The following EIF2S3 variants were observed in gnomAD, a reference collection of about 807,000 sequenced individuals.
EIF2S3 encodes eukaryotic translation initiation factor 2 subunit gamma, also known as eukaryotic translation initiation factor 2 subunit 3.
In EIF2S3, 2 loss-of-function variants were observed where a neutral mutation model predicts 31.7. The ratio of observed to expected loss-of-function variants is 0.06; its 90% CI spans 0.03 to 0.20. The LOEUF (loss-of-function observed/expected upper bound fraction) is 0.20. Among genes scored for constraint, EIF2S3 ranks in the 10% least tolerant of loss-of-function variants. The probability of loss-of-function intolerance (pLI) is 1.00; values close to 1 mark genes in which losing one functional copy is unlikely to be tolerated. For missense variants in EIF2S3, 96 were observed against 359.3 expected, an observed-to-expected ratio of 0.27 and a Z score of 5.92; for synonymous variants, 120 against 126.7, an observed-to-expected ratio of 0.95 and a Z score of 0.36.
chrX:24,063,573 G>T (rs1055139512), intron 6 of EIF2S3, among the ~76,000 whole-genome samples: 1 of 110,828 alleles, frequency 9.0e-6, no homozygotes, highest in Non-Finnish European at 1.9e-5. Context: ...TGAGTCCAGG[G>T]GTTCAAGACC....
intron 11 of EIF2S3, among the ~76,000 whole-genome samples, chrX:24,076,142 T>G: frequency 8.9e-6 from 1 of 112,338 alleles, no homozygotes; most frequent in Non-Finnish European, 1.9e-5. Flanking sequence ...TTATTTGTGG[T>G]GACTTATGCC....
At chrX:24,070,439 G>GTTTTTTTTTTTTT (rs768908773) in intron 9 of EIF2S3, among the ~76,000 whole-genome samples, 1 of 50,973 alleles carries the variant, frequency 2.0e-5, no homozygotes, top group Non-Finnish European at 3.2e-5. Context: ...ATCATATGTA[G>GTTTTTTTTTTTTT]TTTTTTTTTT....
chrX:24,059,197 A>G (rs946179203), intron 4 of EIF2S3, among the ~76,000 whole-genome samples: 3 of 112,137 alleles, frequency 2.7e-5, no homozygotes, highest in African/African-American at 9.7e-5. Context: ...TCTATTACAG[A>G]AGCAAACGTA....
intron 4 of EIF2S3, among the ~76,000 whole-genome samples, chrX:24,059,758 G>A (rs1424557612): frequency 1.8e-5 from 2 of 111,864 alleles, no homozygotes; most frequent in South Asian, 3.6e-4. Context: ...TTCTGTTAAC[G>A]TGGTTTTTAT....
At chrX:24,066,836 C>T (rs1351539158) in intron 8 of EIF2S3, among the ~76,000 whole-genome samples, 3 of 112,064 alleles carry the variant, frequency 2.7e-5, no homozygotes, top group Non-Finnish European at 3.8e-5. Flanking sequence ...TTTCTTTATC[C>T]ATTCATCTGT....
rs1481178771 is a variant in EIF2S3 at position 24,055,055 on chromosome X, G to T, written c.69+18G>T. 1.7e-6 allele frequency: 2 copies of T among 1,209,059 alleles called. No individual in the cohort carries two copies. The highest frequency in any genetic ancestry group is 4.3e-5 in the Admixed American group (2 of 45,995). On this transcript the variant is annotated intron_variant, in intron 1 of 11. Transcript: ENST00000253039. ...CCACCTTGGTGAGGTTTTGCTTGGG[G>T]AGGATGCAGAGTGAGCTCAGGAGTG...
intron 5 of EIF2S3, among the ~76,000 whole-genome samples, chrX:24,061,330 G>A (rs945222549): frequency 1.8e-5 from 2 of 108,917 alleles, no homozygotes; most frequent in Admixed American, 2.0e-4. Flanking sequence ...GCCAAGGCAG[G>A]TGGATCACTT....
chrX:24,063,708 G>A (rs975368101), intron 6 of EIF2S3, among the ~76,000 whole-genome samples: 2 of 110,575 alleles, frequency 1.8e-5, no homozygotes, highest in Admixed American at 2.0e-4. Flanking sequence ...CTGGGAAGTG[G>A]AGGTTGCAAC....
At chrX:24,055,340 A>C (rs1651209197) in intron 1 of EIF2S3, among the ~76,000 whole-genome samples, 1 of 111,560 alleles carries the variant, frequency 9.0e-6, no homozygotes, top group African/African-American at 3.3e-5. Context: ...TCCTGTCTGC[A>C]TTACTTTTAG....
chrX:24,056,366 A>T (rs752212246), intron 2 of EIF2S3, among the ~76,000 whole-genome samples: 1 of 112,027 alleles, frequency 8.9e-6, no homozygotes, highest in Non-Finnish European at 1.9e-5. Context: ...CTTGGAGCAT[A>T]ACCTAACCTC....
At chrX:24,064,911 A>G (rs1285625904) in intron 7 of EIF2S3, among the ~76,000 whole-genome samples, 1 of 112,253 alleles carries the variant, frequency 8.9e-6, no homozygotes, top group African/African-American at 3.2e-5. Context: ...AGTATTCTCC[A>G]TGGAATCATA....
chrX:24,055,544 G>A, intron 1 of EIF2S3, 71 bp from the exon 2 acceptor site: 1 of 1,079,262 alleles, frequency 9.3e-7, no homozygotes, highest in Non-Finnish European at 1.3e-6. Context: ...GATGTAGATA[G>A]CAAACGTAAA....
intron 9 of EIF2S3, among the ~76,000 whole-genome samples, chrX:24,068,950 A>C (rs749914657): frequency 8.9e-6 from 1 of 112,104 alleles, no homozygotes; most frequent in East Asian, 2.8e-4. Context: ...ATTCAGTGAG[A>C]ATTAGAAGGG....
intron 6 of EIF2S3, 38 bp downstream of exon 6, chrX:24,062,612 T>C: frequency 8.5e-7 from 1 of 1,171,210 alleles, no homozygotes; most frequent in Middle Eastern, 2.4e-4. Flanking sequence ...TATGAATCAC[T>C]TTGAGAGGCA....
chrX:24,055,526 G>T, intron 1 of EIF2S3, 89 bp from the exon 2 acceptor site: 1 of 925,829 alleles, frequency 1.1e-6, no homozygotes, highest in East Asian at 3.1e-5. Context: ...CTGTGCAGAT[G>T]GTGGCAAGAT....
chrX:24,071,510 G>A, intron 9 of EIF2S3, 48 bp from the exon 10 acceptor site: 1 of 1,164,002 alleles, frequency 8.6e-7, no homozygotes, highest in Non-Finnish European at 1.2e-6. Context: ...CTTTATAGGT[G>A]TTTTAGGAAA....
chrX:24,073,288 G>A (rs753720591), intron 11 of EIF2S3, 25 bp downstream of exon 11: 61 of 1,204,888 alleles, frequency 5.1e-5, no homozygotes, highest in Non-Finnish European at 6.3e-5. Context: ...CTTTGCCACT[G>A]TCTAATTAAA....
chrX:24,065,782 A>G (rs1214066691), intron 7 of EIF2S3, among the ~76,000 whole-genome samples: 1 of 111,733 alleles, frequency 8.9e-6, no homozygotes, highest in Non-Finnish European at 1.9e-5. Flanking sequence ...ATACTGGTAT[A>G]CCCTATATGC....
chrX:24,068,738 G>C (rs989045029), intron 9 of EIF2S3, among the ~76,000 whole-genome samples: 6 of 111,726 alleles, frequency 5.4e-5, no homozygotes, highest in African/African-American at 1.9e-4. Flanking sequence ...GAACCACCAT[G>C]CCCGGCCATG....
Sources: allele counts gnomAD v4.1 joint callset (sites outside exome capture counted in the v4.1 genomes callset), GRCh38; gene constraint gnomAD v4.1.1; transcripts MANE v1.5; gene names NCBI Gene and HGNC (gene_info 2026-07-23, HGNC 2026-07-21).